RAD54L2: variants seen among roughly 807,000 people sequenced by gnomAD.
RAD54L2 encodes RAD54 like 2, also known as helicase ARIP4.
Under a neutral mutation model 138.4 loss-of-function variants are expected in RAD54L2, and 27 were observed. That is an observed-to-expected ratio of 0.20 (90% CI 0.14 to 0.27). The LOEUF is 0.27. Ranked by LOEUF, RAD54L2 falls within the 10% of genes least tolerant of loss-of-function variation. The pLI is 1.00. For synonymous variants in RAD54L2, 644 were observed against 723.2 expected, an observed-to-expected ratio of 0.89 and a Z score of 1.76; for missense variants, 1,396 against 1,890.2, an observed-to-expected ratio of 0.74 and a Z score of 4.85.
At chr3:51,600,924 G>A (rs926049868) in intron 3 of RAD54L2, among the ~76,000 whole-genome samples, 2 of 152,072 alleles carry the variant, frequency 1.3e-5, no homozygotes, top group East Asian at 1.9e-4. Context: ...CCAAGATCAC[G>A]CCACTGTACT....
At chr3:51,573,312 T>C (rs1335979899) in intron 2 of RAD54L2, among the ~76,000 whole-genome samples, 6 of 152,204 alleles carry the variant, frequency 3.9e-5, no homozygotes, top group Admixed American at 2.0e-4. Flanking sequence ...GGAAAGAGAC[T>C]CACCCCTTTA....
At chr3:51,624,166 G>T (rs986234238) in intron 3 of RAD54L2, among the ~76,000 whole-genome samples, 2 of 148,364 alleles carry the variant, frequency 1.3e-5, no homozygotes, top group Admixed American at 6.7e-5. Flanking sequence ...TTGTTTGTTT[G>T]TTTTTTAAAT....
At chr3:51,588,014 G>T (rs1294473154) in intron 2 of RAD54L2, among the ~76,000 whole-genome samples, 1 of 151,146 alleles carries the variant, frequency 6.6e-6, no homozygotes, top group Non-Finnish European at 1.5e-5. Flanking sequence ...GTGAGACCCC[G>T]TCTCTACTAA....
intron 3 of RAD54L2, among the ~76,000 whole-genome samples, chr3:51,622,295 A>G (rs745575316): frequency 3.9e-5 from 6 of 152,264 alleles, no homozygotes; most frequent in South Asian, 2.1e-4. Context: ...CCATGAACCA[A>G]GGCTCACACA....
intron 2 of RAD54L2, among the ~76,000 whole-genome samples, chr3:51,583,615 CGGG>C (rs1699654905): frequency 7.0e-6 from 1 of 143,070 alleles, no homozygotes; most frequent in African/African-American, 2.6e-5. Flanking sequence ...TTAGTAGAGA[CGGG>C]ATTTCTCCAT....
chr3:51,643,031 C>CTTTT (rs1212581275), intron 15 of RAD54L2, among the ~76,000 whole-genome samples: 24 of 113,210 alleles, frequency 2.1e-4, no homozygotes, highest in African/African-American at 2.8e-4. Context: ...TAACTGAAGT[C>CTTTT]TTTTTTTTTT....
intron 3 of RAD54L2, among the ~76,000 whole-genome samples, chr3:51,600,397 T>A (rs948537925): frequency 6.6e-5 from 10 of 152,162 alleles, no homozygotes; most frequent in Non-Finnish European, 1.3e-4. Context: ...GGAGAATCCC[T>A]TGAGCCCAGG....
intron 3 of RAD54L2, among the ~76,000 whole-genome samples, chr3:51,610,446 A>T (rs1700303145): frequency 6.6e-6 from 1 of 151,930 alleles, no homozygotes; most frequent in South Asian, 2.1e-4. Context: ...TCTACTAAAA[A>T]TACAAAAATT....
intron 19 of RAD54L2, among the ~76,000 whole-genome samples, chr3:51,651,891 C>G (rs1458326320): frequency 6.6e-6 from 1 of 152,190 alleles, no homozygotes; most frequent in Admixed American, 6.5e-5. Context: ...CTGGGATGCT[C>G]TCTCTCACCA....
intron 3 of RAD54L2, among the ~76,000 whole-genome samples, chr3:51,614,658 ATG>A (rs1700405202): frequency 6.6e-6 from 1 of 152,038 alleles, no homozygotes; most frequent in Non-Finnish European, 1.5e-5. Flanking sequence ...AAATATAGGC[ATG>A]TGCCACCATA....
At chr3:51,641,107 A>G (rs1298409662) in intron 14 of RAD54L2, among the ~76,000 whole-genome samples, 1 of 149,112 alleles carries the variant, frequency 6.7e-6, no homozygotes, top group Non-Finnish European at 1.5e-5. Flanking sequence ...GGTTCAAACG[A>G]TTCTCCTGCT....
At chr3:51,605,089 A>ATTTT (rs35877053) in intron 3 of RAD54L2, among the ~76,000 whole-genome samples, 3 of 123,132 alleles carry the variant, frequency 2.4e-5, no homozygotes, top group Admixed American at 8.6e-5. Flanking sequence ...TACCTGGCTA[A>ATTTT]TTTTTTTTTT....
At chr3:51,629,597 G>A (rs972588930) in intron 5 of RAD54L2, 124 bp downstream of exon 5, 2 of 1,242,704 alleles carry the variant, frequency 1.6e-6, no homozygotes, top group Admixed American at 2.7e-5. Context: ...GGTGGCTCAC[G>A]CCTGTAATCC....
chr3:51,567,723 T>G (rs1699247698), intron 2 of RAD54L2, among the ~76,000 whole-genome samples: 1 of 152,070 alleles, frequency 6.6e-6, no homozygotes, highest in Non-Finnish European at 1.5e-5. Context: ...TTTTAATATT[T>G]TATTTACTGT....
chr3:51,659,915 T>A (rs988224001), intron 21 of RAD54L2, 111 bp from the exon 22 acceptor site: 1 of 659,314 alleles, frequency 1.5e-6, no homozygotes, highest in Non-Finnish European at 2.6e-6. Context: ...TGGGAGATGG[T>A]ATACCTAATT....
At chr3:51,647,149 TTTGA>T (rs1180601411) in intron 19 of RAD54L2, among the ~76,000 whole-genome samples, 1 of 152,176 alleles carries the variant, frequency 6.6e-6, no homozygotes, top group Non-Finnish European at 1.5e-5. Flanking sequence ...TTTTTAATTA[TTTGA>T]TTATCTTGAA....
chr3:51,626,330 A>C (rs927954586), intron 3 of RAD54L2, among the ~76,000 whole-genome samples: 1 of 148,918 alleles, frequency 6.7e-6, no homozygotes, highest in Non-Finnish European at 1.5e-5. Flanking sequence ...ACAGAATGCT[A>C]CTCAGCAGGC....
At chr3:51,570,331 A>G (rs1699311072) in intron 2 of RAD54L2, among the ~76,000 whole-genome samples, 1 of 149,670 alleles carries the variant, frequency 6.7e-6, no homozygotes, top group Non-Finnish European at 1.5e-5. Context: ...TTTAGTAGAG[A>G]TGGGATTTCA....
At chr3:51,641,108 T>C (rs533346296) in intron 14 of RAD54L2, among the ~76,000 whole-genome samples, 5 of 151,968 alleles carry the variant, frequency 3.3e-5, no homozygotes, top group African/African-American at 1.2e-4. Flanking sequence ...GTTCAAACGA[T>C]TCTCCTGCTT....
Sources: allele counts gnomAD v4.1 joint callset (sites outside exome capture counted in the v4.1 genomes callset), GRCh38; gene constraint gnomAD v4.1.1; transcripts MANE v1.5; gene names NCBI Gene and HGNC (gene_info 2026-07-23, HGNC 2026-07-21).